Variants in PDE4D observed in about 807,000 individuals in gnomAD.
The protein encoded by PDE4D is phosphodiesterase 4D.
PDE4D carries 24 observed loss-of-function variants against 87.4 expected under a neutral mutation model. That is an observed-to-expected ratio of 0.27 (90% confidence interval 0.20 to 0.39). The LOEUF is 0.39. Ranked by LOEUF, PDE4D falls within the 10% of genes least tolerant of loss-of-function variation. PDE4D has a pLI of 1.00. For synonymous variants in PDE4D, 384 were observed against 383.2 expected (o/e 1.00, Z -0.02); for missense variants, 714 against 1,041.0 (o/e 0.69, Z 4.32).
At chr5:60,413,448 T>C (rs754284008) in intron 1 of PDE4D, among the ~76,000 whole-genome samples, 3 of 151,946 alleles carry the variant, frequency 2.0e-5, no homozygotes, top group Non-Finnish European at 2.9e-5. Flanking sequence ...TTTCTGAAGA[T>C]GAGAGGAGGA....
At chr5:59,569,830 G>C (rs1821529079) in intron 1 of PDE4D, among the ~76,000 whole-genome samples, 1 of 152,074 alleles carries the variant, frequency 6.6e-6, no homozygotes, top group African/African-American at 2.4e-5. Context: ...TCTTCTGTTT[G>C]TCTGCAGCCC....
chr5:59,369,675 A>G (rs375844837), intron 1 of PDE4D, among the ~76,000 whole-genome samples: 1 of 152,116 alleles, frequency 6.6e-6, no homozygotes. Flanking sequence ...TGGACCCTCA[A>G]TGTTGGAGTG....
In PDE4D at chr5:58,975,342, G is replaced by A. The variant is rs892713510; in HGVS notation, c.2014-262C>T. Among the ~76,000 whole-genome samples the A allele has an allele frequency of 6.6e-6, 1 of 152,034 alleles. No individual in the cohort carries two copies. The highest frequency in any genetic ancestry group is 1.5e-5 in the Non-Finnish European group (1 of 68,020). ...AATTTTCCAGTTGTTGACATGGTAG[G>A]GCTTATTTTACAATCACCAATTTGT... On this transcript the variant is annotated intron_variant, in intron 14 of 14. Coordinates refer to ENST00000340635, the MANE Select transcript of PDE4D (RefSeq NM_001104631.2). This position sits in a 1 kb window ranked among gnomAD's most constrained non-coding sequence, Gnocchi z 4.2.
chr5:60,028,667 T>G (rs1249708625), intron 2 of PDE4D, among the ~76,000 whole-genome samples: 2 of 152,200 alleles, frequency 1.3e-5, no homozygotes, highest in Non-Finnish European at 2.9e-5. Flanking sequence ...ATTCCTCAAC[T>G]GCCTCTTTCC....
chr5:59,214,006 G>A (rs1215255044), intron 2 of PDE4D, among the ~76,000 whole-genome samples: 1 of 144,566 alleles, frequency 6.9e-6, no homozygotes, highest in African/African-American at 2.6e-5. Flanking sequence ...TTCTCCACTG[G>A]CTGTCCCCCA....
At chr5:60,334,798 A>G (rs755830692) in intron 1 of PDE4D, among the ~76,000 whole-genome samples, 3 of 152,162 alleles carry the variant, frequency 2.0e-5, no homozygotes, top group Non-Finnish European at 4.4e-5. Context: ...GACTCCCCAA[A>G]TAAGTATAAA....
chr5:59,247,351 T>A (rs1238182196), intron 1 of PDE4D, among the ~76,000 whole-genome samples: 1 of 152,150 alleles, frequency 6.6e-6, no homozygotes, highest in African/African-American at 2.4e-5. Flanking sequence ...GTGGGCACCA[T>A]TTAATGCATA....
At chr5:60,380,273 C>T (rs1278597813) in intron 1 of PDE4D, among the ~76,000 whole-genome samples, 2 of 152,158 alleles carry the variant, frequency 1.3e-5, no homozygotes, top group African/African-American at 2.4e-5. Context: ...CTTCCAGCCT[C>T]TTTAGATACT....
intron 1 of PDE4D, among the ~76,000 whole-genome samples, chr5:59,379,126 A>AGTGCCTAGTGC (rs1785278929): frequency 6.6e-6 from 1 of 152,146 alleles, no homozygotes; most frequent in South Asian, 2.1e-4. Context: ...GTGCACGGCA[A>AGTGCCTAGTGC]CTAAGCCACA....
Position 60,396,997 on chromosome 5 carries a change from G to A in PDE4D, c.-90+90945C>T, listed in dbSNP as rs192016450. ...CGGCCTCACAAAAGAAATTCTTCAC[G>A]TGGTCCAATGCAAATTTTTAGGATC... On this transcript the variant is annotated intron_variant, in intron 1 of 16. Coordinates refer to the PDE4D transcript ENST00000502484. Among the ~76,000 whole-genome samples the A allele has an allele frequency of 3.7e-4, 57 of 152,216 alleles. 1 individual carries two copies. The highest frequency in any genetic ancestry group is 7.4e-5 in the Non-Finnish European group (5 of 68,014).
At chr5:59,425,846 C>T (rs1210243720) in intron 1 of PDE4D, among the ~76,000 whole-genome samples, 1 of 152,152 alleles carries the variant, frequency 6.6e-6, no homozygotes, top group East Asian at 1.9e-4. Context: ...TCTCCACAAT[C>T]ATTATTAGTA....
chr5:60,165,279 T>C (rs34925561), intron 2 of PDE4D, among the ~76,000 whole-genome samples: 8,868 of 152,272 alleles, frequency 0.058, 289 homozygotes, highest in Middle Eastern at 0.088. Flanking sequence ...TTCACCATTG[T>C]GTGTTCTTGG....
chr5:60,183,454 T>G (rs1225428673), intron 2 of PDE4D, among the ~76,000 whole-genome samples: 1 of 152,136 alleles, frequency 6.6e-6, no homozygotes, highest in Non-Finnish European at 1.5e-5. Context: ...ATTGTTTGAG[T>G]TGAAGAGTGA....
chr5:59,357,456 G>A (rs180969427), intron 1 of PDE4D, among the ~76,000 whole-genome samples: 8 of 152,126 alleles, frequency 5.3e-5, no homozygotes, highest in Admixed American at 1.3e-4. Context: ...GGATTTACTC[G>A]TCTTGAAAAT....
At chr5:59,737,057 G>A (rs1167770207) in intron 1 of PDE4D, among the ~76,000 whole-genome samples, 1 of 152,072 alleles carries the variant, frequency 6.6e-6, no homozygotes, top group Non-Finnish European at 1.5e-5. Flanking sequence ...TCACAGCAAT[G>A]AGAAATTACT....
intron 1 of PDE4D, among the ~76,000 whole-genome samples, chr5:59,270,697 G>A (rs539253996): frequency 7.2e-5 from 11 of 152,086 alleles, no homozygotes; most frequent in Non-Finnish European, 1.3e-4. Flanking sequence ...CCATACTTCC[G>A]AAAAGAAAAC....
In PDE4D at chr5:59,429,265, T is replaced by C. The variant is rs539390596; in HGVS notation, c.456-213297A>G. ...GTGTCTTAGGACACACTTTTCTGAA[T>C]GTATTTTAAAATAGTTGCTTGGTGC... On this transcript the variant is annotated intron_variant, in intron 1 of 14. Coordinates refer to ENST00000340635, the MANE Select transcript of PDE4D (RefSeq NM_001104631.2). Among the ~76,000 whole-genome samples the C allele has an allele frequency of 5.3e-5, 8 of 152,314 alleles. No individual in the cohort carries two copies. In the East Asian group the frequency reaches 1.5e-3, roughly 29 times the overall value.
intron 1 of PDE4D, among the ~76,000 whole-genome samples, chr5:59,354,784 A>G (rs1046162178): frequency 2.6e-5 from 4 of 152,226 alleles, no homozygotes; most frequent in African/African-American, 9.6e-5. Context: ...GGGTGATGCC[A>G]AATAAGAAAG....
chr5:59,468,650 A>G (rs1468138923), intron 1 of PDE4D, among the ~76,000 whole-genome samples: 1 of 152,204 alleles, frequency 6.6e-6, no homozygotes, highest in Non-Finnish European at 1.5e-5. Context: ...TTATTTTAAA[A>G]ATGAATAGGT....
Sources: allele counts gnomAD v4.1 joint callset (sites outside exome capture counted in the v4.1 genomes callset), GRCh38; gene constraint gnomAD v4.1.1; non-coding constraint Gnocchi (gnomAD v3.1); transcripts MANE v1.5; gene names NCBI Gene and HGNC (gene_info 2026-07-23, HGNC 2026-07-21).